The following HTR5A variants were observed in gnomAD, a reference collection of about 807,000 sequenced individuals.
The protein encoded by HTR5A is 5-hydroxytryptamine receptor 5A, also known as 5-HT-5.
Under a neutral mutation model 24.3 loss-of-function variants are expected in HTR5A, and 21 were observed. That is an observed-to-expected ratio of 0.86 (90% confidence interval 0.61 to 1.24). HTR5A has a LOEUF of 1.24. Ranked by LOEUF, HTR5A falls within the 50% of genes most tolerant of loss-of-function variation. The probability of loss-of-function intolerance (pLI) is 0.00; values close to 1 mark genes in which losing one functional copy is unlikely to be tolerated. For missense variants in HTR5A, 497 were observed against 489.5 expected, an observed-to-expected ratio of 1.02 and a Z score of -0.15; for synonymous variants, 260 against 213.7, an observed-to-expected ratio of 1.22 and a Z score of -1.89.
In HTR5A at chr7:155,085,035, T is replaced by C. The variant is rs1795461267; in HGVS notation, c.*548T>C. On this transcript the variant is annotated 3_prime_UTR_variant, in exon 2 of 2. Transcript: ENST00000287907. ...AACACTGTCTCCAAATATATTAAAG[T>C]ATATAGTCCTATCCATGAGAGCAGG... 2 of 152,506 alleles carry C rather than the reference T, an allele frequency of 1.3e-5. No individual in the cohort carries two copies. Among genetic ancestry groups the C allele is most frequent in the Non-Finnish European group, 2.9e-5 (2 of 68,598 alleles). 9.4% of individuals were successfully genotyped at this position (152,506 alleles called of 1,614,324 possible).
At chr7:155,078,751 C>CTTCTTTTTT (rs373271702) in intron 1 of HTR5A, among the ~76,000 whole-genome samples, 2 of 139,198 alleles carry the variant, frequency 1.4e-5, no homozygotes, top group South Asian at 4.6e-4. Flanking sequence ...TTCTGTGCTT[C>CTTCTTTTTT]TTTTTTTTTT....
chr7:155,074,068 C>T (rs544476644), intron 1 of HTR5A, among the ~76,000 whole-genome samples: 1 of 151,962 alleles, frequency 6.6e-6, no homozygotes, highest in South Asian at 2.1e-4. Flanking sequence ...GGGTTAATTA[C>T]AAACCAGGCC....
At chr7:155,073,164 C>CA (rs1162663932) in intron 1 of HTR5A, among the ~76,000 whole-genome samples, 3 of 151,516 alleles carry the variant, frequency 2.0e-5, no homozygotes, top group East Asian at 1.9e-4. Context: ...ACTAAATATA[C>CA]AAAAAAATTA....
chr7:155,079,125 T>C (rs1031954167), intron 1 of HTR5A, among the ~76,000 whole-genome samples: 1 of 152,084 alleles, frequency 6.6e-6, no homozygotes, highest in South Asian at 2.1e-4. Flanking sequence ...TGGCTAATTT[T>C]TAAAATTTTT....
intron 1 of HTR5A, among the ~76,000 whole-genome samples, chr7:155,082,372 C>T (rs1332096603): frequency 6.6e-6 from 1 of 152,146 alleles, no homozygotes; most frequent in African/African-American, 2.4e-5. Context: ...ACAGAATCTT[C>T]AGCGTGACCA....
intron 1 of HTR5A, among the ~76,000 whole-genome samples, chr7:155,080,667 C>T (rs940491952): frequency 2.0e-5 from 3 of 152,190 alleles, no homozygotes; most frequent in Non-Finnish European, 4.4e-5. Flanking sequence ...CAGAGCAGAG[C>T]GGAATGCCCA....
rs1275473796 is a variant in HTR5A at position 155,084,358 on chromosome 7, C to T, written c.945C>T (p.Ile315=). 2 of 1,614,164 alleles carry T rather than the reference C, an allele frequency of 1.2e-6. No individual in the cohort carries two copies. Among genetic ancestry groups the T allele is most frequent in the Non-Finnish European group, 1.7e-6 (2 of 1,180,018 alleles). The change falls in exon 2 of 2, where the codon ATC becomes ATT. Residue 315 remains isoleucine, a synonymous_variant. Transcript: ENST00000287907. ...TCAGTCCCCTCTGCTCCTGTGACAT[C>T]CCCGCCATCTGGAAAAGCATCTTCC... ...ELISPLCSCD[I]PAIWKSIFLW...
intron 1 of HTR5A, 117 bp downstream of exon 1, chr7:155,071,757 G>T (rs2241859): frequency 0.28 from 300,646 of 1,074,426 alleles, 45,598 homozygotes; most frequent in South Asian, 0.31. Context: ...GTTTGGGAGT[G>T]GGGGGAGTAA....
At position 155,086,871 on chromosome 7, in the gene HTR5A, T is replaced by G. The variant is rs1190309225; in HGVS notation, c.*2384T>G. 6.6e-6 allele frequency among the ~76,000 whole-genome samples: 1 copy of G among 152,166 alleles called. No individual in the cohort carries two copies. The highest frequency in any genetic ancestry group is 1.5e-5 in the Non-Finnish European group (1 of 68,018). Reference sequence around the variant, plus strand: ...TTATATGAATCATAAACAGAAGTAATTGCTCAAAATAACTAATTGTGTTCC... The same window carrying G: ...TTATATGAATCATAAACAGAAGTAAGTGCTCAAAATAACTAATTGTGTTCC... On this transcript the variant is annotated 3_prime_UTR_variant, in exon 2 of 2. Transcript: ENST00000287907.
In HTR5A at chr7:155,087,228, A is replaced by T. The variant is rs143574329; in HGVS notation, c.*2741A>T. ...CATATTGTAGGGATTAATTCTTGAT[A>T]AAAAAAAAGCTTGTTATTTCTCTCT... On this transcript the variant is annotated 3_prime_UTR_variant, in exon 2 of 2. Coordinates refer to ENST00000287907, the MANE Select transcript of HTR5A (RefSeq NM_024012.4). Among the ~76,000 whole-genome samples, 4 of 11,518 alleles carry T rather than the reference A, an allele frequency of 3.5e-4. No individual in the cohort carries two copies. Among genetic ancestry groups the T allele is most frequent in the Admixed American group, 2.2e-3 (2 of 910 alleles). The allele number at this position is 11,518 out of a possible 152,430, so 7.6% of individuals were successfully genotyped here. A position where few individuals can be genotyped will look rare whatever the true frequency, so the allele number is the denominator to read the frequency against.
intron 1 of HTR5A, among the ~76,000 whole-genome samples, chr7:155,078,751 C>CTTTTTTTTTTTT (rs67688182): frequency 2.9e-5 from 4 of 139,214 alleles, no homozygotes; most frequent in African/African-American, 7.7e-5. Flanking sequence ...TTCTGTGCTT[C>CTTTTTTTTTTTT]TTTTTTTTTT....
chr7:155,072,202 A>C (rs1283058604), intron 1 of HTR5A, among the ~76,000 whole-genome samples: 2 of 152,138 alleles, frequency 1.3e-5, no homozygotes, highest in African/African-American at 4.8e-5. Flanking sequence ...GGTTACTGTC[A>C]TTCTGTGGCA....
rs1795454184 is a variant in HTR5A, at chr7:155,084,480, A to G, written c.1067A>G (p.Gln356Arg). Residue 356 changes from glutamine (Q) to arginine (R), a missense_variant, in exon 2 of 2, where the codon CAA becomes CGA. Coordinates refer to ENST00000287907, the MANE Select transcript of HTR5A (RefSeq NM_024012.4). ...NSAFKNFFSRQH is the reference protein window; with the variant it reads ...NSAFKNFFSRRH ...GCCTTCAAGAACTTCTTTTCTAGGC[A>G]ACACTGAGGGAGAGGACCAGGATTG... 1 of 1,610,040 alleles carries G rather than the reference A, an allele frequency of 6.2e-7. No individual in the cohort carries two copies.
rs1367805631 is a variant in HTR5A at position 155,070,683 on chromosome 7, C to A, written c.-217C>A. The A allele has an allele frequency of 3.4e-6, 2 of 589,810 alleles. No individual in the cohort carries two copies. The highest frequency in any genetic ancestry group is 6.0e-6 in the Non-Finnish European group (2 of 332,190). 36.5% of individuals were successfully genotyped at this position (589,810 alleles called of 1,614,324 possible). A position where few individuals can be genotyped will look rare whatever the true frequency, so the allele number is the denominator to read the frequency against. On this transcript the variant is annotated 5_prime_UTR_variant, in exon 1 of 2. Coordinates refer to ENST00000287907, the MANE Select transcript of HTR5A (RefSeq NM_024012.4). ...CAGCCCCTCGCCTCTGCTTCCTTAG[C>A]CTCTGAGGGCTTCAGACCTGCCGCG...
intron 1 of HTR5A, among the ~76,000 whole-genome samples, chr7:155,072,894 G>T (rs1417798704): frequency 6.6e-6 from 1 of 152,124 alleles, no homozygotes; most frequent in African/African-American, 2.4e-5. Context: ...AGGGGAGAGG[G>T]CATCATCCTA....
Position 155,084,427 on chromosome 7 carries a change from T to G in HTR5A, c.1014T>G (p.Tyr338Ter), listed in dbSNP as rs762777494. Residue 338 changes from tyrosine to a stop codon, truncating the protein, a stop_gained, in exon 2 of 2, where the codon TAT (tyrosine) becomes TAG (stop). Coordinates refer to ENST00000287907, the MANE Select transcript of HTR5A (RefSeq NM_024012.4). LOFTEE classifies it high-confidence loss of function. ...ACTCCTTCTTTAACCCCCTGATCTA[T>G]ACGGCTTTCAACAAGAACTACAACA... is the stretch of plus-strand genomic sequence containing the variant. The part of the protein sequence containing the change: ...YSNSFFNPLI[Y>*]TAFNKNYNSA... 1 of 1,614,072 alleles carries G rather than the reference T, an allele frequency of 6.2e-7. No individual in the cohort carries two copies. The highest frequency in any genetic ancestry group is 8.5e-7 in the Non-Finnish European group (1 of 1,180,046).
chr7:155,076,877 C>T (rs1174071265), intron 1 of HTR5A, among the ~76,000 whole-genome samples: 1 of 152,162 alleles, frequency 6.6e-6, no homozygotes, highest in Non-Finnish European at 1.5e-5. Flanking sequence ...GACAAGAAGG[C>T]AAAGCCTCCA....
In HTR5A at chr7:155,073,899, A is replaced by ATG. The variant is rs1185290002; in HGVS notation, c.741+2260_741+2261insGT. ...TATGTATATATATATGTATATATAT[A>ATG]TATATATATATATATATGTATATAT... is the stretch of plus-strand genomic sequence containing the variant. On this transcript the variant is annotated intron_variant, in intron 1 of 1. Coordinates refer to ENST00000287907, the MANE Select transcript of HTR5A (RefSeq NM_024012.4). Among the ~76,000 whole-genome samples, 219 of 15,406 alleles carry ATG rather than the reference A, an allele frequency of 0.014. 9 individuals carry two copies. The East Asian group carries it at 0.5, about 35-fold the overall frequency. 10.1% of individuals were successfully genotyped at this position (15,406 alleles called of 152,430 possible). A position where few individuals can be genotyped will look rare whatever the true frequency, so the allele number is the denominator to read the frequency against.
At position 155,070,889 on chromosome 7, in the gene HTR5A, C is replaced by A. The variant is rs368335593; in HGVS notation, c.-11C>A. ...TCTGCAAGTACCCCAGGGCGGTCTC[C>A]TGACCCAGAGATGGATTTACCTGTG... On this transcript the variant is annotated 5_prime_UTR_variant, in exon 1 of 2. The change creates a new upstream start codon in the 5' untranslated region. Coordinates refer to ENST00000287907, the MANE Select transcript of HTR5A (RefSeq NM_024012.4). 2.6e-5 allele frequency: 42 copies of A among 1,591,646 alleles called. No homozygotes were observed. The highest frequency in any genetic ancestry group is 3.4e-5 in the Non-Finnish European group (40 of 1,173,542).
Sources: allele counts gnomAD v4.1 joint callset (sites outside exome capture counted in the v4.1 genomes callset), GRCh38; gene constraint gnomAD v4.1.1; transcripts MANE v1.5; gene names NCBI Gene and HGNC (gene_info 2026-07-23, HGNC 2026-07-21).